Variants in ZFP1 observed in about 807,000 individuals in gnomAD.
ZFP1 encodes the protein zinc finger protein 1 homolog.
A neutral mutation model predicts 38.5 loss-of-function variants in ZFP1; 32 were observed. The ratio of observed to expected loss-of-function variants is 0.83; its 90% CI spans 0.63 to 1.12. The LOEUF (loss-of-function observed/expected upper bound fraction) is 1.12. Among genes scored for constraint, ZFP1 ranks in the 50% most tolerant of loss-of-function variants. The probability of loss-of-function intolerance (pLI) is 0.00; values close to 1 mark genes in which losing one functional copy is unlikely to be tolerated. For synonymous variants in ZFP1, 245 were observed against 168.8 expected (o/e 1.45, Z -3.50); for missense variants, 616 against 480.8 (o/e 1.28, Z -2.63).
intron 1 of ZFP1, among the ~76,000 whole-genome samples, chr16:75,151,258 C>G (rs1458573588): frequency 6.6e-6 from 1 of 151,694 alleles, no homozygotes; most frequent in East Asian, 1.9e-4. Flanking sequence ...ATATTTTAAA[C>G]AAACTGCTTA....
chr16:75,132,302 T>C, the ZFP1 span, among the ~76,000 whole-genome samples: 1 of 151,480 alleles, frequency 6.6e-6, no homozygotes, highest in Admixed American at 6.6e-5. Context: ...AGTGGGAGGA[T>C]CACTTGAGTC....
chr16:75,170,583 T>C lies in ZFP1; in HGVS notation c.*249T>C, dbSNP rs2038371724. 4.8e-6 allele frequency: 2 copies of C among 421,006 alleles called. No homozygotes were observed. The highest frequency in any genetic ancestry group is 1.7e-4 in the South Asian group (2 of 11,602). The allele number at this position is 421,006 out of a possible 1,614,324, so 26.1% of individuals were successfully genotyped here. ...TACCCAGTTGTACTACAATGAGCTTTTTAAAATCTTGAATGAATTGAGTAT... is the reference window on the plus strand; with the variant it reads ...TACCCAGTTGTACTACAATGAGCTTCTTAAAATCTTGAATGAATTGAGTAT... On this transcript the variant is annotated 3_prime_UTR_variant, in exon 4 of 4. Coordinates refer to ENST00000570010, the MANE Select transcript of ZFP1 (RefSeq NM_153688.4).
At chr16:75,152,848 T>C (rs1205956274) in intron 1 of ZFP1, 61 bp from the exon 2 acceptor site, 3 of 1,489,650 alleles carry the variant, frequency 2.0e-6, no homozygotes, top group South Asian at 1.2e-5. Context: ...CAAGTCATTC[T>C]AGGAGTTGTA....
At chr16:75,160,613 C>G (rs1044736167) in intron 2 of ZFP1, among the ~76,000 whole-genome samples, 6 of 144,694 alleles carry the variant, frequency 4.1e-5, no homozygotes, top group South Asian at 2.2e-4. Flanking sequence ...GAGCTGAGAT[C>G]ATGCCACTGC....
the ZFP1 span, among the ~76,000 whole-genome samples, chr16:75,141,389 C>T: frequency 1.3e-5 from 2 of 151,428 alleles, no homozygotes; most frequent in African/African-American, 4.9e-5. Flanking sequence ...TTTTTTTAAG[C>T]AGAGACGGGA....
upstream of ZFP1, among the ~76,000 whole-genome samples, chr16:75,143,647 CTTTTT>C (rs386385080): frequency 2.1e-5 from 2 of 93,770 alleles, no homozygotes; most frequent in South Asian, 4.1e-4. Context: ...GGAGGTGAAT[CTTTTT>C]TTTTTTTTTT....
intron 3 of ZFP1, 109 bp downstream of exon 3, chr16:75,167,005 C>G (rs1337203820): frequency 1.1e-5 from 16 of 1,514,862 alleles, no homozygotes; most frequent in African/African-American, 5.6e-5. Context: ...GGCCTAAGTC[C>G]TCAGGTATTA....
intron 2 of ZFP1, among the ~76,000 whole-genome samples, chr16:75,159,387 T>TTCTC (rs1163440830): frequency 1.2e-4 from 1 of 8,350 alleles, no homozygotes; most frequent in Admixed American, 1.5e-3. Context: ...CTTCCTTCCT[T>TTCTC]TCTCTCTCTC....
chr16:75,159,403 CT>C (rs2037649859), intron 2 of ZFP1, among the ~76,000 whole-genome samples: 1 of 59,886 alleles, frequency 1.7e-5, no homozygotes. Context: ...CTCTCTCTCA[CT>C]TTTCATTTTT....
intron 2 of ZFP1, among the ~76,000 whole-genome samples, chr16:75,158,760 T>G (rs1270371035): frequency 6.6e-6 from 1 of 152,076 alleles, no homozygotes; most frequent in Non-Finnish European, 1.5e-5. Context: ...AGATTACAGC[T>G]TATAATCTTA....
At chr16:75,137,539 C>T in the ZFP1 span, among the ~76,000 whole-genome samples, 1 of 110,670 alleles carries the variant, frequency 9.0e-6, no homozygotes, top group African/African-American at 3.1e-5. Context: ...TGGCTCACTG[C>T]AAGCTCCGCC....
rs1433781580 is a variant in ZFP1, at chr16:75,169,415, T to TACC, written c.306_308dup (p.Pro103dup). On this transcript the variant is annotated inframe_insertion, in exon 4 of 4. Coordinates refer to ENST00000570010, the MANE Select transcript of ZFP1 (RefSeq NM_153688.4). ...ACAGACTTTGTTTCTTTAAGACAAGTACCTTATAAATATGACTTATATGAA... is the reference window on the plus strand; with the variant it reads ...ACAGACTTTGTTTCTTTAAGACAAGTACCACCTTATAAATATGACTTATATGAA... The TACC allele has an allele frequency of 8.1e-6, 13 of 1,613,842 alleles. No individual in the cohort carries two copies. The highest frequency in any genetic ancestry group is 1.0e-5 in the Non-Finnish European group (12 of 1,179,968).
chr16:75,134,124 A>G, the ZFP1 span, among the ~76,000 whole-genome samples: 1 of 152,182 alleles, frequency 6.6e-6, no homozygotes, highest in Non-Finnish European at 1.5e-5. Flanking sequence ...ATTGAAAGGT[A>G]TAGGATTTCT....
intron 2 of ZFP1, among the ~76,000 whole-genome samples, chr16:75,161,574 C>T (rs979415639): frequency 1.3e-5 from 2 of 150,618 alleles, no homozygotes; most frequent in Admixed American, 6.7e-5. Flanking sequence ...CTGGTGTAGT[C>T]AAGAGGTCTG....
At chr16:75,129,475 A>T in the ZFP1 span, among the ~76,000 whole-genome samples, 1 of 152,210 alleles carries the variant, frequency 6.6e-6, no homozygotes, top group Non-Finnish European at 1.5e-5. Context: ...CTCCCATTCT[A>T]TTCAAAGTCA....
chr16:75,161,776 T>TA (rs1225483116), intron 2 of ZFP1, among the ~76,000 whole-genome samples: 6 of 4,476 alleles, frequency 1.3e-3, no homozygotes, highest in Admixed American at 3.2e-3. Context: ...ATATATATAT[T>TA]TTTTTTTTTT....
chr16:75,154,577 T>A (rs1172110062), intron 2 of ZFP1, among the ~76,000 whole-genome samples: 1 of 145,934 alleles, frequency 6.9e-6, no homozygotes, highest in Non-Finnish European at 1.5e-5. Context: ...ATGAGAGTTT[T>A]TTTTTTTTTT....
the ZFP1 span, among the ~76,000 whole-genome samples, chr16:75,137,461 CTTTT>C: frequency 5.6e-5 from 5 of 89,408 alleles, no homozygotes; most frequent in East Asian, 1.0e-3. Flanking sequence ...AAAAAAAATT[CTTTT>C]TTTTTTTTTT....
chr16:75,137,659 G>T, the ZFP1 span, among the ~76,000 whole-genome samples: 1 of 151,704 alleles, frequency 6.6e-6, no homozygotes, highest in African/African-American at 2.4e-5. Flanking sequence ...GTAGAGACGG[G>T]GTTTCACCGT....
Sources: allele counts gnomAD v4.1 joint callset (sites outside exome capture counted in the v4.1 genomes callset), GRCh38; gene constraint gnomAD v4.1.1; transcripts MANE v1.5; gene names NCBI Gene and HGNC (gene_info 2026-07-23, HGNC 2026-07-21).